Variants in DLGAP2 observed in about 807,000 individuals in gnomAD.
The protein encoded by DLGAP2 is DLG associated protein 2.
DLGAP2 carries 26 observed loss-of-function variants against 100.3 expected under a neutral mutation model. The ratio of observed to expected loss-of-function variants is 0.26; its 90% CI spans 0.19 to 0.36. DLGAP2 has a LOEUF of 0.36. Ranked by LOEUF, DLGAP2 falls within the 10% of genes least tolerant of loss-of-function variation. The pLI is 1.00. For synonymous variants in DLGAP2, 886 were observed against 630.1 expected, an observed-to-expected ratio of 1.41 and a Z score of -6.08; for missense variants, 1,858 against 1,453.2, an observed-to-expected ratio of 1.28 and a Z score of -4.53.
chr8:1,299,196 G>T (rs1383061589), intron 3 of DLGAP2, among the ~76,000 whole-genome samples: 1 of 152,200 alleles, frequency 6.6e-6, no homozygotes, highest in Non-Finnish European at 1.5e-5. Flanking sequence ...AGTGGTGGTG[G>T]GTACTGTGCA....
intron 14 of DLGAP2, among the ~76,000 whole-genome samples, chr8:1,698,896 G>C (rs1478437505): frequency 6.6e-6 from 1 of 151,720 alleles, no homozygotes; most frequent in Non-Finnish European, 1.5e-5. Flanking sequence ...CATGGGACTA[G>C]ACAGGTCCCA....
At chr8:1,469,305 C>T (rs1375797298) in intron 3 of DLGAP2, among the ~76,000 whole-genome samples, 3 of 152,238 alleles carry the variant, frequency 2.0e-5, no homozygotes, top group Non-Finnish European at 2.9e-5. Flanking sequence ...CGGCATTCAG[C>T]TCTGAGCTGC....
At chr8:1,375,464 G>A (rs71497186) in intron 3 of DLGAP2, among the ~76,000 whole-genome samples, 661 of 3,786 alleles carry the variant, frequency 0.17, 111 homozygotes, top group African/African-American at 0.54. Context: ...CCTCTCCACG[G>A]CCTCAGAACT....
chr8:1,641,404 A>G (rs1044642694), intron 8 of DLGAP2, among the ~76,000 whole-genome samples: 4 of 152,194 alleles, frequency 2.6e-5, no homozygotes, highest in African/African-American at 9.7e-5. Flanking sequence ...CTGTCTGCGT[A>G]CTTAGACTGG....
intron 2 of DLGAP2, among the ~76,000 whole-genome samples, chr8:1,128,294 G>A (rs1796215449): frequency 6.7e-6 from 1 of 149,718 alleles, no homozygotes; most frequent in African/African-American, 2.5e-5. Context: ...GTTCCATGAG[G>A]ACCTGCTCCT....
intron 2 of DLGAP2, among the ~76,000 whole-genome samples, chr8:1,049,694 C>T (rs770336327): frequency 6.6e-6 from 1 of 151,982 alleles, no homozygotes; most frequent in Non-Finnish European, 1.5e-5. Context: ...CCCATGCATG[C>T]GTGGATACAG....
At chr8:971,836 A>G (rs1173326390) in intron 2 of DLGAP2, among the ~76,000 whole-genome samples, 1 of 152,132 alleles carries the variant, frequency 6.6e-6, no homozygotes. Flanking sequence ...TTCCAGCCCC[A>G]TTGTCTTCCT....
intron 2 of DLGAP2, among the ~76,000 whole-genome samples, chr8:1,129,702 A>G (rs1039506944): frequency 6.6e-6 from 1 of 152,176 alleles, no homozygotes; most frequent in African/African-American, 2.4e-5. Flanking sequence ...TGGTGCTGGC[A>G]TGTTCCATTC....
At chr8:1,458,624 A>G (rs1056967314) in intron 3 of DLGAP2, among the ~76,000 whole-genome samples, 8 of 152,224 alleles carry the variant, frequency 5.3e-5, no homozygotes, top group Non-Finnish European at 7.3e-5. Context: ...ATCAAACTCA[A>G]AACAATCTCT....
intron 14 of DLGAP2, among the ~76,000 whole-genome samples, chr8:1,698,601 CTTGGGACAGGTCCATGTAAGCCCT>C (rs1799473417): frequency 6.8e-6 from 1 of 146,838 alleles, no homozygotes; most frequent in South Asian, 2.2e-4. Flanking sequence ...GTAAGCCATG[CTTGGGACAGGTCCATGTAAGCCCT>C]GCATGGGACT....
chr8:1,117,549 G>A (rs1390467228), intron 2 of DLGAP2, among the ~76,000 whole-genome samples: 1 of 152,198 alleles, frequency 6.6e-6, no homozygotes, highest in Admixed American at 6.5e-5. Context: ...CTGACCGTCA[G>A]ATTCAGAGAG....
intron 2 of DLGAP2, among the ~76,000 whole-genome samples, chr8:1,208,581 C>G (rs1264254222): frequency 6.6e-6 from 1 of 150,556 alleles, no homozygotes; most frequent in Non-Finnish European, 1.5e-5. Flanking sequence ...ACAAGGATGC[C>G]CACTTTTACC....
chr8:1,156,687 C>A (rs1002658573), intron 2 of DLGAP2, among the ~76,000 whole-genome samples: 1 of 147,890 alleles, frequency 6.8e-6, no homozygotes, highest in Non-Finnish European at 1.5e-5. Flanking sequence ...CAGCCCAGCA[C>A]CCCAGCTCAG....
chr8:1,288,874 T>A (rs1385837790), intron 3 of DLGAP2, among the ~76,000 whole-genome samples: 2 of 152,170 alleles, frequency 1.3e-5, no homozygotes, highest in Non-Finnish European at 2.9e-5. Flanking sequence ...CATTCCTCCA[T>A]AGGCTTCAAA....
chr8:742,629 C>A (rs1388126723), intron 1 of DLGAP2, among the ~76,000 whole-genome samples: 1 of 152,124 alleles, frequency 6.6e-6, no homozygotes, highest in Non-Finnish European at 1.5e-5. Flanking sequence ...CCACCTCAGC[C>A]TGTCTAGTAG....
chr8:1,415,465 T>TC (rs1002141404), intron 3 of DLGAP2, among the ~76,000 whole-genome samples: 3 of 151,784 alleles, frequency 2.0e-5, no homozygotes, highest in Admixed American at 6.6e-5. Context: ...AGCCCCTTTT[T>TC]CCCTCCCCCT....
intron 3 of DLGAP2, chr8:1,259,712 C>T (rs534887013): frequency 3.9e-4 from 59 of 152,202 alleles, no homozygotes; most frequent in African/African-American, 1.2e-3. Context: ...CTCTAAAAGC[C>T]GAATACTAAA....
chr8:1,599,676 A>G (rs901713108), intron 6 of DLGAP2, among the ~76,000 whole-genome samples: 2 of 152,152 alleles, frequency 1.3e-5, no homozygotes, highest in East Asian at 1.9e-4. Flanking sequence ...AATTTGTCTT[A>G]TCAGAGACTA....
chr8:1,028,679 T>C (rs1373179210), intron 2 of DLGAP2, among the ~76,000 whole-genome samples: 1 of 152,160 alleles, frequency 6.6e-6, no homozygotes, highest in African/African-American at 2.4e-5. Flanking sequence ...GGAGCTAGGG[T>C]GTGGAGACAA....
Sources: allele counts gnomAD v4.1 joint callset (sites outside exome capture counted in the v4.1 genomes callset), GRCh38; gene constraint gnomAD v4.1.1; transcripts MANE v1.5; gene names NCBI Gene and HGNC (gene_info 2026-07-23, HGNC 2026-07-21).